ATP9B: variants seen among roughly 807,000 people sequenced by gnomAD.
ATP9B encodes the protein ATPase phospholipid transporting 9B.
In ATP9B, 110 loss-of-function variants were observed where a neutral mutation model predicts 146.1. That is an observed-to-expected ratio of 0.75 (90% CI 0.65 to 0.88). ATP9B has a LOEUF of 0.88. ATP9B is among the 40% of genes least tolerant of loss of function. The pLI is 0.00. For synonymous variants in ATP9B, 604 were observed against 569.7 expected (o/e 1.06, Z -0.86); for missense variants, 1,499 against 1,496.4 (o/e 1.00, Z -0.03).
chr18:79,193,598 G>C (rs7228057), intron 9 of ATP9B, among the ~76,000 whole-genome samples: 21,569 of 152,090 alleles, frequency 0.14, 1,676 homozygotes, highest in African/African-American at 0.2. Flanking sequence ...GCTTTTTACT[G>C]TCTGAGTTGG....
chr18:79,084,676 T>C (rs1354640866), intron 1 of ATP9B, among the ~76,000 whole-genome samples: 2 of 152,236 alleles, frequency 1.3e-5, no homozygotes, highest in Non-Finnish European at 2.9e-5. Flanking sequence ...TTTACATCGC[T>C]TTGTGAGCAT....
chr18:79,075,021 T>A (rs1356618663), intron 1 of ATP9B, among the ~76,000 whole-genome samples: 1 of 152,248 alleles, frequency 6.6e-6, no homozygotes, highest in Non-Finnish European at 1.5e-5. Context: ...GATTATTACC[T>A]TTTAGTTAAT....
chr18:79,248,951 C>G (rs186279715), intron 11 of ATP9B, among the ~76,000 whole-genome samples: 1 of 152,092 alleles, frequency 6.6e-6, no homozygotes, highest in African/African-American at 2.4e-5. Context: ...GACGTCTGCT[C>G]CAATTTGCCG....
At chr18:79,322,360 A>G (rs1568679098) in intron 15 of ATP9B, among the ~76,000 whole-genome samples, 2 of 152,192 alleles carry the variant, frequency 1.3e-5, no homozygotes, top group Admixed American at 6.5e-5. Flanking sequence ...GCGAGTGTTG[A>G]CATCTGCCAC....
intron 6 of ATP9B, 37 bp downstream of exon 6, chr18:79,143,897 G>T: frequency 7.6e-7 from 1 of 1,323,960 alleles, no homozygotes; most frequent in Non-Finnish European, 1.0e-6. Flanking sequence ...ACCTATGTAT[G>T]CTAGTTATTA....
intron 8 of ATP9B, among the ~76,000 whole-genome samples, chr18:79,182,373 A>G (rs1600232895): frequency 6.6e-6 from 1 of 152,184 alleles, no homozygotes; most frequent in East Asian, 1.9e-4. Context: ...CACTTTGCAT[A>G]TTTCTGCAAT....
At chr18:79,088,720 G>T (rs2074060113) in intron 1 of ATP9B, among the ~76,000 whole-genome samples, 1 of 152,112 alleles carries the variant, frequency 6.6e-6, no homozygotes, top group East Asian at 1.9e-4. Flanking sequence ...CTATTCCATG[G>T]TATATTTCAC....
At chr18:79,308,406 A>G (rs952813539) in intron 15 of ATP9B, among the ~76,000 whole-genome samples, 1 of 152,232 alleles carries the variant, frequency 6.6e-6, no homozygotes, top group African/African-American at 2.4e-5. Context: ...TCTATCAGCT[A>G]TCAAACAAGA....
intron 4 of ATP9B, chr18:79,117,972 A>G (rs2094117396): frequency 6.6e-6 from 1 of 152,196 alleles, no homozygotes; most frequent in Admixed American, 6.5e-5. Context: ...TGTGTGGCCT[A>G]TTGCAACATA....
chr18:79,276,833 A>G (rs1276671058), intron 12 of ATP9B, among the ~76,000 whole-genome samples: 2 of 152,272 alleles, frequency 1.3e-5, no homozygotes, highest in African/African-American at 4.8e-5. Flanking sequence ...GATAATGCAT[A>G]TTAAAAAATA....
chr18:79,332,404 G>A (rs548373681), intron 17 of ATP9B, among the ~76,000 whole-genome samples: 1 of 152,332 alleles, frequency 6.6e-6, no homozygotes, highest in Non-Finnish European at 1.5e-5. Context: ...ACTCCAGCCT[G>A]GGCGACAGAG....
At chr18:79,284,688 T>C (rs1348944113) in intron 13 of ATP9B, among the ~76,000 whole-genome samples, 1 of 82,216 alleles carries the variant, frequency 1.2e-5, no homozygotes, top group East Asian at 4.5e-4. Context: ...TAGTTACATA[T>C]GTATACATGT....
chr18:79,090,804 T>C (rs1272838175), intron 1 of ATP9B, among the ~76,000 whole-genome samples: 2 of 152,184 alleles, frequency 1.3e-5, no homozygotes, highest in Non-Finnish European at 2.9e-5. Context: ...CGTTTGTCCA[T>C]GTTTGCTTTA....
intron 4 of ATP9B, among the ~76,000 whole-genome samples, chr18:79,120,587 T>C (rs1210941553): frequency 6.6e-6 from 1 of 152,220 alleles, no homozygotes; most frequent in African/African-American, 2.4e-5. Context: ...AAGATTACTT[T>C]TCATACTCAG....
chr18:79,186,239 T>C (rs2095307422), intron 8 of ATP9B, among the ~76,000 whole-genome samples: 1 of 152,238 alleles, frequency 6.6e-6, no homozygotes, highest in Non-Finnish European at 1.5e-5. Context: ...TTATTTGTAA[T>C]GAACCACATG....
At chr18:79,158,739 G>C (rs1363039848) in intron 7 of ATP9B, among the ~76,000 whole-genome samples, 2 of 152,120 alleles carry the variant, frequency 1.3e-5, no homozygotes, top group Non-Finnish European at 2.9e-5. Flanking sequence ...ATTCACATTT[G>C]TGAAAAATGT....
chr18:79,334,362 GAA>G (rs1035313638), intron 17 of ATP9B, among the ~76,000 whole-genome samples: 1 of 147,440 alleles, frequency 6.8e-6, no homozygotes, highest in Admixed American at 6.7e-5. Flanking sequence ...GTCTCAAAAA[GAA>G]AAAAAAAAGT....
chr18:79,163,439 C>A (rs1306753956), intron 7 of ATP9B, among the ~76,000 whole-genome samples: 2 of 151,946 alleles, frequency 1.3e-5, no homozygotes, highest in Non-Finnish European at 2.9e-5. Context: ...TTGTTTTTTT[C>A]TTTATGTAAT....
intron 1 of ATP9B, among the ~76,000 whole-genome samples, chr18:79,094,355 A>G (rs2074604695): frequency 6.6e-6 from 1 of 152,096 alleles, no homozygotes; most frequent in African/African-American, 2.4e-5. Context: ...TCCAATTTCC[A>G]GGGTTGTTTT....
Sources: allele counts gnomAD v4.1 joint callset (sites outside exome capture counted in the v4.1 genomes callset), GRCh38; gene constraint gnomAD v4.1.1; transcripts MANE v1.5; gene names NCBI Gene and HGNC (gene_info 2026-07-23, HGNC 2026-07-21).